The following ARHGAP28 variants were observed in gnomAD, a reference collection of about 807,000 sequenced individuals.
ARHGAP28 encodes Rho GTPase activating protein 28, also known as rho GTPase-activating protein 28.
A neutral mutation model predicts 90.7 loss-of-function variants in ARHGAP28; 56 were observed. The observed-to-expected ratio is 0.62, with a 90% confidence interval of 0.50 to 0.77. ARHGAP28 has a LOEUF of 0.77. Ranked by LOEUF, ARHGAP28 falls within the 30% of genes least tolerant of loss-of-function variation. The probability of loss-of-function intolerance (pLI) is 0.00; values close to 1 mark genes in which losing one functional copy is unlikely to be tolerated. For synonymous variants in ARHGAP28, 308 were observed against 323.3 expected, an observed-to-expected ratio of 0.95 and a Z score of 0.51; for missense variants, 869 against 900.9, an observed-to-expected ratio of 0.96 and a Z score of 0.45.
intron 1 of ARHGAP28, among the ~76,000 whole-genome samples, chr18:6,730,483 G>A (rs1293078532): frequency 6.6e-6 from 1 of 151,994 alleles, no homozygotes; most frequent in Non-Finnish European, 1.5e-5. Flanking sequence ...CCTTTCAATT[G>A]TATAAAGGCA....
intron 13 of ARHGAP28, 43 bp from the exon 14 acceptor site, chr18:6,890,387 T>TCCTAGCTCCAG: frequency 7.6e-7 from 1 of 1,307,480 alleles, no homozygotes; most frequent in Non-Finnish European, 1.1e-6. Context: ...GGAGTTTGAA[T>TCCTAGCTCCAG]TCAAGTGTTT....
At chr18:6,788,260 G>A (rs1282668061) in intron 1 of ARHGAP28, among the ~76,000 whole-genome samples, 2 of 152,024 alleles carry the variant, frequency 1.3e-5, no homozygotes, top group South Asian at 2.1e-4. Flanking sequence ...CTCCTGCTCC[G>A]GCCAGGTGAC....
chr18:6,787,224 A>T (rs1338058449), intron 1 of ARHGAP28, among the ~76,000 whole-genome samples: 7 of 147,894 alleles, frequency 4.7e-5, no homozygotes, highest in Non-Finnish European at 8.9e-5. Flanking sequence ...CCATTTAAAA[A>T]AAAAAAAAAA....
At chr18:6,746,363 G>A (rs942757474) in intron 1 of ARHGAP28, among the ~76,000 whole-genome samples, 1 of 152,076 alleles carries the variant, frequency 6.6e-6, no homozygotes, top group Non-Finnish European at 1.5e-5. Context: ...TGTTGTTATC[G>A]AGAAAGCAAC....
chr18:6,784,240 C>A (rs886197166), intron 1 of ARHGAP28, among the ~76,000 whole-genome samples: 1 of 152,110 alleles, frequency 6.6e-6, no homozygotes, highest in African/African-American at 2.4e-5. Context: ...TTTGTAACCC[C>A]TGGGAGCTTT....
chr18:6,878,053 A>G (rs1329253762), intron 10 of ARHGAP28, among the ~76,000 whole-genome samples: 6 of 152,192 alleles, frequency 3.9e-5, no homozygotes, highest in East Asian at 1.9e-4. Context: ...TATGATTTAA[A>G]TGTCCTGTTT....
intron 1 of ARHGAP28, among the ~76,000 whole-genome samples, chr18:6,768,525 C>T (rs1281008704): frequency 6.6e-6 from 1 of 152,082 alleles, no homozygotes; most frequent in Non-Finnish European, 1.5e-5. Context: ...GGTCCAAAGT[C>T]AAATGCCTCC....
In ARHGAP28 at chr18:6,915,408, A is replaced by G. The variant is rs1208273025; in HGVS notation, c.*3254A>G. On this transcript the variant is annotated 3_prime_UTR_variant, in exon 18 of 18. Coordinates refer to ENST00000383472, the MANE Select transcript of ARHGAP28 (RefSeq NM_001366230.1). ...TAAAGGATTAAATAGTTTCTCTGAC[A>G]GGCAGTTTTTAACTGTTTTCCACAA... 3 of 152,228 alleles carry G rather than the reference A, an allele frequency of 2.0e-5. No homozygotes were observed. The highest frequency in any genetic ancestry group is 7.2e-5 in the African/African-American group (3 of 41,464). 9.4% of individuals were successfully genotyped at this position (152,228 alleles called of 1,614,324 possible).
At chr18:6,777,475 C>T (rs114160877) in intron 1 of ARHGAP28, among the ~76,000 whole-genome samples, 1,894 of 152,240 alleles carry the variant, frequency 0.012, 43 homozygotes, top group African/African-American at 0.043. Context: ...GCAATCCCAG[C>T]ACTTTGGAGG....
intron 17 of ARHGAP28, among the ~76,000 whole-genome samples, chr18:6,911,002 G>A (rs1476940440): frequency 1.6e-4 from 24 of 151,872 alleles, no homozygotes; most frequent in Non-Finnish European, 1.6e-4. Context: ...CCATCACCAC[G>A]CCCGGCTAAT....
intron 10 of ARHGAP28, among the ~76,000 whole-genome samples, chr18:6,881,728 T>A (rs2143640572): frequency 6.6e-6 from 1 of 152,282 alleles, no homozygotes; most frequent in East Asian, 1.9e-4. Context: ...CAAACCTTCT[T>A]GATCTAATTT....
intron 16 of ARHGAP28, among the ~76,000 whole-genome samples, chr18:6,907,919 G>A (rs943250772): frequency 6.6e-6 from 1 of 152,092 alleles, no homozygotes; most frequent in African/African-American, 2.4e-5. Context: ...AAAAAAGAGG[G>A]CACACTTGCA....
chr18:6,763,392 G>T (rs1279474669), intron 1 of ARHGAP28, among the ~76,000 whole-genome samples: 1 of 152,078 alleles, frequency 6.6e-6, no homozygotes, highest in Non-Finnish European at 1.5e-5. Context: ...CACAAGAGAT[G>T]ATTTTATCAT....
intron 1 of ARHGAP28, among the ~76,000 whole-genome samples, chr18:6,735,794 A>G (rs2143134543): frequency 6.6e-6 from 1 of 152,152 alleles, no homozygotes; most frequent in African/African-American, 2.4e-5. Context: ...GGCTCAAGTG[A>G]TCTGCCCACC....
chr18:6,827,651 C>CA (rs1378992468), intron 2 of ARHGAP28, among the ~76,000 whole-genome samples: 2 of 143,796 alleles, frequency 1.4e-5, no homozygotes, highest in Non-Finnish European at 1.5e-5. Context: ...ACCCCCCCCC[C>CA]ACCTCCCTCC....
chr18:6,778,534 G>A (rs776163412), intron 1 of ARHGAP28, among the ~76,000 whole-genome samples: 13 of 152,188 alleles, frequency 8.5e-5, no homozygotes, highest in Non-Finnish European at 1.8e-4. Flanking sequence ...CTGACAGCCT[G>A]AGTTGGAATC....
chr18:6,894,792 CT>C, intron 14 of ARHGAP28, 42 bp from the exon 15 acceptor site: 1 of 1,572,352 alleles, frequency 6.4e-7, no homozygotes, highest in Non-Finnish European at 8.7e-7. Flanking sequence ...GCAACATATG[CT>C]TGTTTTCTCA....
intron 1 of ARHGAP28, among the ~76,000 whole-genome samples, chr18:6,804,066 A>C (rs1273084480): frequency 6.6e-6 from 1 of 152,250 alleles, no homozygotes; most frequent in African/African-American, 2.4e-5. Context: ...GGCGTGAGCC[A>C]CCACAACCAG....
intron 16 of ARHGAP28, among the ~76,000 whole-genome samples, chr18:6,899,845 C>G (rs994360321): frequency 6.6e-6 from 1 of 152,164 alleles, no homozygotes; most frequent in African/African-American, 2.4e-5. Flanking sequence ...TCCCTGGTGC[C>G]CTTACTAGTA....
Sources: allele counts gnomAD v4.1 joint callset (sites outside exome capture counted in the v4.1 genomes callset), GRCh38; gene constraint gnomAD v4.1.1; transcripts MANE v1.5; gene names NCBI Gene and HGNC (gene_info 2026-07-23, HGNC 2026-07-21).